Variants in CCDC18 observed in about 807,000 individuals in gnomAD.
CCDC18 encodes the protein coiled-coil domain containing 18.
CCDC18 carries 157 observed loss-of-function variants against 196.0 expected under a neutral mutation model. That is an observed-to-expected ratio of 0.80 (90% CI 0.70 to 0.91). The LOEUF is 0.91. Among genes scored for constraint, CCDC18 ranks in the 40% least tolerant of loss-of-function variants. CCDC18 has a pLI of 0.00. For synonymous variants in CCDC18, 482 were observed against 529.2 expected, an observed-to-expected ratio of 0.91 and a Z score of 1.22; for missense variants, 1,465 against 1,611.6, an observed-to-expected ratio of 0.91 and a Z score of 1.56.
chr1:93,216,222 G>A (rs940370849), intron 12 of CCDC18, among the ~76,000 whole-genome samples: 7 of 152,128 alleles, frequency 4.6e-5, no homozygotes, highest in African/African-American at 1.7e-4. Flanking sequence ...TATAAAAGGG[G>A]AAAAAGAAGA....
At chr1:93,200,413 C>T (rs1217069957) in intron 6 of CCDC18, among the ~76,000 whole-genome samples, 2 of 150,762 alleles carry the variant, frequency 1.3e-5, no homozygotes, top group African/African-American at 4.9e-5. Flanking sequence ...GGCCAAAGTG[C>T]GAGTATTACT....
intron 1 of CCDC18, among the ~76,000 whole-genome samples, chr1:93,181,678 C>CCCAGGCTGGAGTGCA (rs1329560097): frequency 2.0e-5 from 3 of 151,900 alleles, no homozygotes; most frequent in African/African-American, 7.3e-5. Context: ...TGCAGTGGCG[C>CCCAGGCTGGAGTGCA]GATCTCGGCT....
chr1:93,207,615 G>A (rs11164883), intron 9 of CCDC18, among the ~76,000 whole-genome samples: 2 of 151,952 alleles, frequency 1.3e-5, no homozygotes, highest in Non-Finnish European at 2.9e-5. Context: ...GAATGGCACA[G>A]AATTTTTTTT....
chr1:93,278,463 G>A lies in CCDC18; in HGVS notation c.4354G>A (p.Gly1452Arg). 1 of 1,243,342 alleles carries A rather than the reference G, an allele frequency of 8.0e-7. No homozygotes were observed. Among genetic ancestry groups the A allele is most frequent in the Non-Finnish European group, 1.1e-6 (1 of 911,838 alleles). 77.0% of individuals were successfully genotyped at this position (1,243,342 alleles called of 1,614,324 possible). The change falls in exon 29 of 29, where the codon GGA (glycine) becomes AGA (arginine). Residue 1452 changes from glycine (G) to arginine (R), a missense_variant and splice_region_variant. By Grantham distance (125) the Gly-to-Arg change is moderately radical (BLOSUM62 -2). Coordinates refer to ENST00000690025, the MANE Select transcript of CCDC18 (RefSeq NM_001378204.1). ...AATCTATTATTTTGCATTATTCTAG[G>A]GAGAAAATGTGTAATTCAAAGAAGA... ...SMQTGAGLNQ[G>R]ENV
In CCDC18 at chr1:93,207,404, T is replaced by C. The variant is rs377466430; in HGVS notation, c.1209+6T>C. 44 of 1,552,126 alleles carry C rather than the reference T, an allele frequency of 2.8e-5. No individual in the cohort carries two copies. The African/African-American group carries it at 3.7e-4, about 13-fold the overall frequency. ...AGATTATATCCCAGTTGCCAGTAAG[T>C]ATGTGTGATTACGTAATGGAAAAGA... On this transcript the variant is annotated splice_donor_region_variant and intron_variant, in intron 9 of 28. Transcript: ENST00000690025.
At chr1:93,228,363 G>A (rs889315240) in intron 17 of CCDC18, among the ~76,000 whole-genome samples, 1 of 152,106 alleles carries the variant, frequency 6.6e-6, no homozygotes, top group East Asian at 1.9e-4. Context: ...GTAATCTAGA[G>A]GGCAAAGGAG....
intron 21 of CCDC18, among the ~76,000 whole-genome samples, chr1:93,241,026 C>G (rs926480524): frequency 2.6e-5 from 4 of 152,040 alleles, no homozygotes; most frequent in African/African-American, 9.7e-5. Flanking sequence ...GGCATGATCT[C>G]AGCTCACTGC....
chr1:93,207,443 AGTGT>A, intron 9 of CCDC18, 45 bp downstream of exon 9: 1 of 1,412,562 alleles, frequency 7.1e-7, no homozygotes, highest in Non-Finnish European at 9.6e-7. Flanking sequence ...ATTTTACTAA[AGTGT>A]TTTAGAAAAG....
chr1:93,277,905 G>C (rs560624916), intron 28 of CCDC18, among the ~76,000 whole-genome samples: 2 of 151,310 alleles, frequency 1.3e-5, no homozygotes, highest in Non-Finnish European at 2.9e-5. Flanking sequence ...TCCTTTTTTC[G>C]AGTTTTAAAA....
At chr1:93,230,438 GC>G (rs1659066995) in intron 17 of CCDC18, among the ~76,000 whole-genome samples, 1 of 151,476 alleles carries the variant, frequency 6.6e-6, no homozygotes, top group Admixed American at 6.6e-5. Flanking sequence ...CTTGCAGTGA[GC>G]CGAGATCGCA....
chr1:93,236,352 G>T lies in CCDC18; in HGVS notation c.2565G>T (p.Leu855Phe), dbSNP rs1660069330. The change falls in exon 19 of 29, where the codon TTG (leucine) becomes TTT (phenylalanine). Residue 855 changes from leucine (L) to phenylalanine (F), a missense_variant. Leu to Phe is a conservative substitution (Grantham distance 22). Transcript: ENST00000690025. ...KCESAAHEAD[L>F]KRQKVIELTG... ...AATCAGCTGCACATGAAGCAGATTT[G>T]AAAAGGCAAAAAGTGATTGAGCTTA... The T allele has an allele frequency of 6.3e-7, 1 of 1,585,994 alleles. No individual in the cohort carries two copies. Among genetic ancestry groups the T allele is most frequent in the African/African-American group, 1.4e-5 (1 of 72,586 alleles).
intron 1 of CCDC18, among the ~76,000 whole-genome samples, chr1:93,181,069 C>T (rs557651348): frequency 1.7e-4 from 25 of 149,006 alleles, no homozygotes; most frequent in Non-Finnish European, 3.4e-4. Context: ...GTTACCTCAG[C>T]ACTTTGGGAT....
At chr1:93,250,412 AAAAG>A (rs974595369) in intron 23 of CCDC18, among the ~76,000 whole-genome samples, 4 of 151,918 alleles carry the variant, frequency 2.6e-5, no homozygotes, top group African/African-American at 7.2e-5. Flanking sequence ...AGAGAGAAAA[AAAAG>A]AATATGTATT....
chr1:93,254,649 T>G (rs1174029040), intron 24 of CCDC18, 35 bp downstream of exon 24: 1 of 1,575,704 alleles, frequency 6.3e-7, no homozygotes. Flanking sequence ...GAACAAGTGG[T>G]AGTCTCTGTT....
chr1:93,216,608 T>G (rs1038572923), intron 12 of CCDC18, 28 bp from the exon 13 acceptor site: 2 of 1,156,614 alleles, frequency 1.7e-6, no homozygotes, highest in African/African-American at 3.2e-5. Flanking sequence ...TAAAAAATAA[T>G]TTTACATTTA....
intron 23 of CCDC18, among the ~76,000 whole-genome samples, chr1:93,251,999 AT>A (rs1557691874): frequency 7.7e-6 from 1 of 130,152 alleles, no homozygotes; most frequent in African/African-American, 3.3e-5. Context: ...TGTGTAGTCT[AT>A]TTATCTATCT....
In CCDC18 at chr1:93,250,857, A is replaced by C. The variant is rs537838675; in HGVS notation, c.3199-3614A>C. On this transcript the variant is annotated intron_variant, in intron 23 of 28. Coordinates refer to ENST00000690025, the MANE Select transcript of CCDC18 (RefSeq NM_001378204.1). ...CTTTCAGTCTATGTGTGTCTTTATG[A>C]AGTGAATTTCTTTTAGGAAGCATAT... 6.4e-4 allele frequency among the ~76,000 whole-genome samples: 98 copies of C among 152,292 alleles called. 1 individual carries two copies. The highest frequency in any genetic ancestry group is 1.8e-3 in the African/African-American group (75 of 41,576).
intron 23 of CCDC18, among the ~76,000 whole-genome samples, chr1:93,247,633 C>T (rs1453542527): frequency 6.6e-6 from 1 of 152,014 alleles, no homozygotes; most frequent in African/African-American, 2.4e-5. Context: ...CTAGGTAGGT[C>T]TCAAACTCCT....
chr1:93,210,877 C>CGTTG lies in CCDC18; in HGVS notation c.1286_1289dup (p.Cys430TrpfsTer7), dbSNP rs1557632103. On this transcript the variant is annotated frameshift_variant, in exon 10 of 29. Coordinates refer to ENST00000690025, the MANE Select transcript of CCDC18 (RefSeq NM_001378204.1). LOFTEE classifies it high-confidence loss of function. Reference sequence around the variant, plus strand: ...GAGTAGCTTCTCAAACAAGGAAGACCGTTGCATTGGCTGCTGTGAGGCAAA... The same window carrying CGTTG: ...GAGTAGCTTCTCAAACAAGGAAGACCGTTGGTTGCATTGGCTGCTGTGAGGCAAA... 1 of 1,613,330 alleles carries CGTTG rather than the reference C, an allele frequency of 6.2e-7. No individual in the cohort carries two copies. The highest frequency in any genetic ancestry group is 2.2e-5 in the East Asian group (1 of 44,838).
Sources: gnomAD v4.1 joint callset for allele counts (sites outside exome capture counted in the v4.1 genomes callset) on GRCh38, gnomAD v4.1.1 for gene constraint, MANE v1.5 for transcripts, NCBI Gene and HGNC (gene_info 2026-07-23, HGNC 2026-07-21) for gene names.